Variants in LUZP2 observed in about 807,000 individuals in gnomAD.
LUZP2 encodes the protein leucine zipper protein 2.
A neutral mutation model predicts 51.6 loss-of-function variants in LUZP2; 52 were observed. That is an observed-to-expected ratio of 1.01 (90% confidence interval 0.81 to 1.27). The LOEUF is 1.27. Ranked by LOEUF, LUZP2 falls within the 50% of genes most tolerant of loss-of-function variation. The pLI is 0.00. For synonymous variants in LUZP2, 154 were observed against 137.3 expected (o/e 1.12, Z -0.85); for missense variants, 436 against 395.4 (o/e 1.10, Z -0.87).
At chr11:24,864,430 T>A (rs1851827172) in intron 5 of LUZP2, among the ~76,000 whole-genome samples, 2 of 152,128 alleles carry the variant, frequency 1.3e-5, no homozygotes, top group Non-Finnish European at 2.9e-5. Flanking sequence ...GACTCAGAAA[T>A]AAATAAATAA....
chr11:24,760,791 G>C (rs766996441), intron 4 of LUZP2, among the ~76,000 whole-genome samples: 2 of 152,196 alleles, frequency 1.3e-5, no homozygotes. Context: ...ATGTCAGAAA[G>C]AGGAATCCAT....
At chr11:25,077,071 C>G (rs1859328491) in intron 10 of LUZP2, among the ~76,000 whole-genome samples, 1 of 152,072 alleles carries the variant, frequency 6.6e-6, no homozygotes, top group Non-Finnish European at 1.5e-5. Context: ...AAATAATTTT[C>G]CATTGGAATT....
intron 1 of LUZP2, among the ~76,000 whole-genome samples, chr11:24,514,588 A>G (rs1023409426): frequency 6.6e-6 from 1 of 152,222 alleles, no homozygotes; most frequent in Non-Finnish European, 1.5e-5. Flanking sequence ...GCAGGGTACC[A>G]TCGTCATACA....
At chr11:25,005,115 T>C (rs969756822) in intron 9 of LUZP2, among the ~76,000 whole-genome samples, 4 of 152,038 alleles carry the variant, frequency 2.6e-5, no homozygotes, top group Non-Finnish European at 1.5e-5. Context: ...TGGACCAAAT[T>C]CCCCACCCCC....
intron 5 of LUZP2, among the ~76,000 whole-genome samples, chr11:24,823,279 A>G (rs1209733481): frequency 6.6e-6 from 1 of 152,090 alleles, no homozygotes; most frequent in Non-Finnish European, 1.5e-5. Flanking sequence ...TTCAGGAAGA[A>G]TTAAAAGCAA....
chr11:24,740,081 G>A (rs981399606), intron 4 of LUZP2, among the ~76,000 whole-genome samples: 7 of 152,054 alleles, frequency 4.6e-5, no homozygotes, highest in African/African-American at 1.4e-4. Context: ...TTTCTTCATA[G>A]CCTAATGACA....
intron 9 of LUZP2, among the ~76,000 whole-genome samples, chr11:25,003,449 G>A (rs1291872665): frequency 3.9e-5 from 6 of 152,172 alleles, no homozygotes; most frequent in Admixed American, 3.3e-4. Context: ...TGAGAGAGCA[G>A]GGTATAGGGG....
At chr11:24,980,834 A>G (rs1386090094) in intron 8 of LUZP2, among the ~76,000 whole-genome samples, 2 of 151,696 alleles carry the variant, frequency 1.3e-5, no homozygotes, top group East Asian at 1.9e-4. Context: ...AGGAAGCAGC[A>G]TTTGTAAAGG....
intron 5 of LUZP2, among the ~76,000 whole-genome samples, chr11:24,818,094 A>G (rs923218): frequency 6.6e-6 from 1 of 151,756 alleles, no homozygotes; most frequent in Non-Finnish European, 1.5e-5. Context: ...TGATTTTTTT[A>G]AAAACAACTT....
intron 10 of LUZP2, among the ~76,000 whole-genome samples, chr11:25,069,414 G>C (rs1338223199): frequency 6.6e-6 from 1 of 151,666 alleles, no homozygotes; most frequent in East Asian, 1.9e-4. Flanking sequence ...TTCAGCATCT[G>C]GTACATAACA....
intron 7 of LUZP2, among the ~76,000 whole-genome samples, chr11:24,972,290 A>C (rs1036248661): frequency 6.6e-6 from 1 of 152,056 alleles, no homozygotes; most frequent in Non-Finnish European, 1.5e-5. Context: ...ATTTATGACA[A>C]GTAATATAAA....
intron 5 of LUZP2, among the ~76,000 whole-genome samples, chr11:24,850,704 T>G (rs1207061992): frequency 2.0e-5 from 3 of 152,148 alleles, no homozygotes; most frequent in African/African-American, 2.4e-5. Context: ...TATAAATTAC[T>G]TTGGGCCATA....
intron 1 of LUZP2, among the ~76,000 whole-genome samples, chr11:24,613,978 C>T (rs1314289175): frequency 6.6e-6 from 1 of 151,942 alleles, no homozygotes. Context: ...GGTGTGTGTT[C>T]TATTTACATT....
intron 1 of LUZP2, among the ~76,000 whole-genome samples, chr11:24,518,215 C>G (rs1333233601): frequency 6.6e-6 from 1 of 152,080 alleles, no homozygotes; most frequent in Non-Finnish European, 1.5e-5. Flanking sequence ...GATAATTTAA[C>G]TTATTTAAAG....
intron 7 of LUZP2, among the ~76,000 whole-genome samples, chr11:24,966,774 T>C (rs1855595381): frequency 6.8e-6 from 1 of 147,702 alleles, no homozygotes; most frequent in South Asian, 2.1e-4. Flanking sequence ...ATATAGTGGA[T>C]ATAATATATT....
intron 5 of LUZP2, among the ~76,000 whole-genome samples, chr11:24,904,558 C>G (rs1471786109): frequency 1.3e-5 from 2 of 152,196 alleles, no homozygotes; most frequent in Non-Finnish European, 2.9e-5. Flanking sequence ...GCTGGGATTA[C>G]AGGCATGAGC....
intron 7 of LUZP2, among the ~76,000 whole-genome samples, chr11:24,968,128 T>C (rs1855640415): frequency 6.6e-6 from 1 of 152,112 alleles, no homozygotes; most frequent in Non-Finnish European, 1.5e-5. Context: ...GAGCTAAACC[T>C]CCAAAGATGT....
intron 7 of LUZP2, among the ~76,000 whole-genome samples, chr11:24,924,757 A>T (rs899971858): frequency 4.6e-5 from 7 of 152,164 alleles, no homozygotes; most frequent in African/African-American, 1.7e-4. Flanking sequence ...AAGGTGGAAC[A>T]ACTTGAAGCT....
At chr11:25,072,894 A>G (rs1859196983) in intron 10 of LUZP2, among the ~76,000 whole-genome samples, 1 of 152,118 alleles carries the variant, frequency 6.6e-6, no homozygotes, top group African/African-American at 2.4e-5. Flanking sequence ...AAAGCAAAAC[A>G]TGAATATAGA....
Sources: allele counts gnomAD v4.1 joint callset (sites outside exome capture counted in the v4.1 genomes callset), GRCh38; gene constraint gnomAD v4.1.1; transcripts MANE v1.5; gene names NCBI Gene and HGNC (gene_info 2026-07-23, HGNC 2026-07-21).